The following EIPR1 variants were observed in gnomAD, a reference collection of about 807,000 sequenced individuals.
EIPR1 encodes EARP and GARP complex-interacting protein 1.
A neutral mutation model predicts 48.1 loss-of-function variants in EIPR1; 25 were observed. The ratio of observed to expected loss-of-function variants is 0.52; its 90% CI spans 0.38 to 0.73. The LOEUF is 0.73. Among genes scored for constraint, EIPR1 ranks in the 30% least tolerant of loss-of-function variants. The probability of loss-of-function intolerance (pLI) is 0.00; values close to 1 mark genes in which losing one functional copy is unlikely to be tolerated. For synonymous variants in EIPR1, 204 were observed against 201.9 expected (o/e 1.01, Z -0.09); for missense variants, 415 against 506.2 (o/e 0.82, Z 1.73).
At chr2:3,281,347 T>C (rs139665968) in intron 3 of EIPR1, among the ~76,000 whole-genome samples, 94 of 152,070 alleles carry the variant, frequency 6.2e-4, no homozygotes, top group South Asian at 2.3e-3. Context: ...CCTGAGAACA[T>C]AGGGCGAGTT....
intron 5 of EIPR1, chr2:3,208,909 C>T (rs767938690): frequency 1.3e-6 from 2 of 1,546,450 alleles, no homozygotes; most frequent in South Asian, 1.2e-5. Flanking sequence ...GGAATGATGG[C>T]ACACACAGGG....
Position 3,243,535 on chromosome 2 carries a change from G to T in EIPR1, c.416+13764C>A, listed in dbSNP as rs138963395. Among the ~76,000 whole-genome samples, 1,120 of 152,234 alleles carry T rather than the reference G, an allele frequency of 7.4e-3. 13 individuals carry two copies. Among genetic ancestry groups the T allele is most frequent in the African/African-American group, 0.026 (1,082 of 41,522 alleles). ...AGTCCCAGCTACTCAGGAGGCTAAG[G>T]CAGGAGAACTGCTTGAACCCGGGAG... On this transcript the variant is annotated intron_variant, in intron 4 of 8. Coordinates refer to ENST00000382125, the MANE Select transcript of EIPR1 (RefSeq NM_003310.5).
At chr2:3,218,531 G>C (rs1665732642) in intron 4 of EIPR1, among the ~76,000 whole-genome samples, 3 of 148,124 alleles carry the variant, frequency 2.0e-5, no homozygotes, top group South Asian at 2.2e-4. Context: ...CAGTGAGTCA[G>C]GTGCACACTC....
intron 8 of EIPR1, among the ~76,000 whole-genome samples, chr2:3,192,046 G>C (rs1664623087): frequency 6.6e-6 from 1 of 152,234 alleles, no homozygotes; most frequent in African/African-American, 2.4e-5. Context: ...TGAAGACACT[G>C]ACTGTGATGC....
chr2:3,300,941 C>T (rs1378064228), intron 3 of EIPR1: 2 of 152,034 alleles, frequency 1.3e-5, no homozygotes, highest in African/African-American at 4.8e-5. Flanking sequence ...GGGTACAGTT[C>T]TCAAAATAGT....
chr2:3,244,355 T>C (rs1254646718), intron 4 of EIPR1, among the ~76,000 whole-genome samples: 2 of 152,184 alleles, frequency 1.3e-5, no homozygotes, highest in Admixed American at 1.3e-4. Context: ...ACATGCAGGG[T>C]TAGTATACCT....
chr2:3,230,030 C>A (rs1431630004), intron 4 of EIPR1, among the ~76,000 whole-genome samples: 10 of 152,182 alleles, frequency 6.6e-5, no homozygotes, highest in Non-Finnish European at 1.2e-4. Flanking sequence ...TCTTCCCCAT[C>A]CATGAACACT....
At chr2:3,321,429 C>T (rs924892580) in intron 3 of EIPR1, among the ~76,000 whole-genome samples, 9 of 152,294 alleles carry the variant, frequency 5.9e-5, no homozygotes, top group Admixed American at 2.0e-4. Context: ...AGGCACTTGA[C>T]GATGAGGCTG....
chr2:3,298,031 A>G (rs1161780283), intron 3 of EIPR1, among the ~76,000 whole-genome samples: 1 of 152,204 alleles, frequency 6.6e-6, no homozygotes, highest in African/African-American at 2.4e-5. Context: ...GGCACTTTTG[A>G]GCCTATGGGT....
intron 3 of EIPR1, among the ~76,000 whole-genome samples, chr2:3,306,319 T>C (rs561721083): frequency 6.6e-6 from 1 of 152,382 alleles, no homozygotes; most frequent in Admixed American, 6.5e-5. Flanking sequence ...TAGTGTTTTA[T>C]GCAGAATTCA....
At chr2:3,275,985 T>C (rs763019773) in intron 3 of EIPR1, among the ~76,000 whole-genome samples, 40 of 152,206 alleles carry the variant, frequency 2.6e-4, no homozygotes, top group Non-Finnish European at 5.9e-4. Context: ...GTCGACTGTA[T>C]TTTTCTACTC....
At chr2:3,260,808 C>T (rs1227603925) in intron 3 of EIPR1, among the ~76,000 whole-genome samples, 2 of 152,086 alleles carry the variant, frequency 1.3e-5, no homozygotes, top group African/African-American at 4.8e-5. Flanking sequence ...CAAAGTGAAA[C>T]CATGTGAGAC....
intron 2 of EIPR1, among the ~76,000 whole-genome samples, chr2:3,349,168 C>T (rs917056445): frequency 6.6e-6 from 1 of 152,238 alleles, no homozygotes; most frequent in Non-Finnish European, 1.5e-5. Context: ...GAGAGGGAAG[C>T]GAGCAGAGAG....
chr2:3,205,019 G>A (rs1665181173), intron 5 of EIPR1, among the ~76,000 whole-genome samples: 2 of 152,230 alleles, frequency 1.3e-5, no homozygotes, highest in South Asian at 2.1e-4. Context: ...GACCAGCAGA[G>A]GGAAGCACGC....
intron 5 of EIPR1, among the ~76,000 whole-genome samples, chr2:3,205,503 C>T (rs769141773): frequency 1.3e-5 from 2 of 152,224 alleles, no homozygotes; most frequent in Non-Finnish European, 2.9e-5. Context: ...GCAGCTGAGG[C>T]CTTCATGCTG....
chr2:3,283,104 A>G (rs1210193430), intron 3 of EIPR1, among the ~76,000 whole-genome samples: 1 of 152,124 alleles, frequency 6.6e-6, no homozygotes, highest in Non-Finnish European at 1.5e-5. Flanking sequence ...CCTCATTTGG[A>G]GAATATATGA....
chr2:3,244,654 T>C (rs1465582200), intron 4 of EIPR1, among the ~76,000 whole-genome samples: 1 of 152,166 alleles, frequency 6.6e-6, no homozygotes, highest in Admixed American at 6.5e-5. Context: ...AAAGGAGCCA[T>C]CTGTGAACCA....
In EIPR1 at chr2:3,377,541, G is replaced by A. The variant is rs2103400042; in HGVS notation, c.42+107C>T. ...AAATGGGAACTAGGGAACAGACACGGGTCCTTGCAGGGCTGGTGGGAGATC... is the reference window on the plus strand; with the variant it reads ...AAATGGGAACTAGGGAACAGACACGAGTCCTTGCAGGGCTGGTGGGAGATC... On this transcript the variant is annotated intron_variant, in intron 1 of 8. Coordinates refer to ENST00000382125, the MANE Select transcript of EIPR1 (RefSeq NM_003310.5). The A allele has an allele frequency of 3.6e-6, 5 of 1,383,608 alleles. No individual in the cohort carries two copies. The East Asian group carries it at 1.0e-4, about 28-fold the overall frequency. 85.7% of individuals were successfully genotyped at this position (1,383,608 alleles called of 1,614,324 possible).
At chr2:3,212,111 G>C (rs1051252727) in intron 5 of EIPR1, among the ~76,000 whole-genome samples, 2 of 152,214 alleles carry the variant, frequency 1.3e-5, no homozygotes, top group South Asian at 2.1e-4. Flanking sequence ...GGAGGTTTCT[G>C]TATTAAATAC....
Sources: allele counts gnomAD v4.1 joint callset (sites outside exome capture counted in the v4.1 genomes callset), GRCh38; gene constraint gnomAD v4.1.1; transcripts MANE v1.5; gene names NCBI Gene and HGNC (gene_info 2026-07-23, HGNC 2026-07-21).